The following SLC68A1 variants were observed in gnomAD, a reference collection of about 807,000 sequenced individuals.
SLC68A1 encodes the protein solute carrier family 68 member 1, also known as major facilitator superfamily domain containing 13A.
At chr10:102,470,839 C>T in the SLC68A1 span, 11 of 1,613,486 alleles carry the variant, frequency 6.8e-6, 1 homozygote, top group South Asian at 9.9e-5. Flanking sequence ...CGCTCGTGGA[C>T]CTGCACCACC....
At chr10:102,469,212 G>T in the SLC68A1 span, 1 of 1,613,772 alleles carries the variant, frequency 6.2e-7, no homozygotes, top group Non-Finnish European at 8.5e-7. Flanking sequence ...GGCCAGTGCT[G>T]GGTGGCTAAC....
the SLC68A1 span, chr10:102,470,932 CT>C: frequency 6.2e-7 from 1 of 1,613,394 alleles, no homozygotes. Context: ...GCGCGGCCGG[CT>C]CCCTCTCTGT....
chr10:102,473,518 C>T, the SLC68A1 span: 1 of 1,513,700 alleles, frequency 6.6e-7, no homozygotes, highest in East Asian at 2.3e-5. Flanking sequence ...ATGGCGCTCA[C>T]TGGCACTGCA....
chr10:102,472,178 T>G, the SLC68A1 span: 1 of 360,850 alleles, frequency 2.8e-6, no homozygotes, highest in Non-Finnish European at 5.5e-6. Flanking sequence ...AAAGAAGAGC[T>G]AAGTGCTGTA....
chr10:102,476,894 C>G, the SLC68A1 span: 3 of 985,532 alleles, frequency 3.0e-6, no homozygotes, highest in Non-Finnish European at 3.6e-6. Flanking sequence ...CTCCGTCCAC[C>G]CTTCTAGTGG....
At chr10:102,473,512 C>T in the SLC68A1 span, 245 of 1,512,704 alleles carry the variant, frequency 1.6e-4, no homozygotes, top group Non-Finnish European at 2.1e-4. Context: ...AAGCTGATGG[C>T]GCTCACTGGC....
chr10:102,473,707 GA>G, the SLC68A1 span: 1 of 1,613,978 alleles, frequency 6.2e-7, no homozygotes, highest in African/African-American at 1.3e-5. Flanking sequence ...GGCCGGCCCG[GA>G]CCACCTCAGC....
the SLC68A1 span, chr10:102,470,723 T>G: frequency 6.2e-7 from 1 of 1,613,418 alleles, no homozygotes; most frequent in Admixed American, 1.7e-5. Context: ...GGCCCTGGGC[T>G]GGCATGGGCC....
At chr10:102,472,305 C>T in the SLC68A1 span, 4 of 293,636 alleles carry the variant, frequency 1.4e-5, no homozygotes, top group African/African-American at 2.3e-5. Flanking sequence ...CTTTGTTGCC[C>T]AGGCTGGAGT....
the SLC68A1 span, chr10:102,476,092 T>C: frequency 2.3e-6 from 3 of 1,293,004 alleles, no homozygotes; most frequent in Middle Eastern, 2.9e-4. Flanking sequence ...TTTTTTTTTT[T>C]TGGAGCTGTT....
At chr10:102,476,990 C>T in the SLC68A1 span, 2 of 985,736 alleles carry the variant, frequency 2.0e-6, no homozygotes, top group African/African-American at 1.7e-5. Context: ...CACACGGCCT[C>T]TAAAGATGTT....
the SLC68A1 span, chr10:102,472,895 C>T: frequency 6.2e-7 from 1 of 1,614,214 alleles, no homozygotes; most frequent in Non-Finnish European, 8.5e-7. Flanking sequence ...TCCCTCTCTT[C>T]CTGGAGCATC....
the SLC68A1 span, chr10:102,471,010 G>T: frequency 1.2e-6 from 2 of 1,613,498 alleles, no homozygotes; most frequent in Admixed American, 1.7e-5. Context: ...GCGTGACACT[G>T]GCTGTCAGCT....
At chr10:102,468,985 T>C in the SLC68A1 span, 9 of 1,563,272 alleles carry the variant, frequency 5.8e-6, no homozygotes, top group Non-Finnish European at 7.8e-6. Context: ...CCTGTGGCCA[T>C]GAGCCCTCCC....
At chr10:102,473,085 C>T in the SLC68A1 span, 1 of 750,922 alleles carries the variant, frequency 1.3e-6, no homozygotes, top group Non-Finnish European at 2.3e-6. Context: ...CTCTGCCTCC[C>T]AAAGTACTGG....
the SLC68A1 span, chr10:102,470,665 G>A: frequency 6.2e-7 from 1 of 1,604,900 alleles, no homozygotes; most frequent in South Asian, 1.1e-5. Context: ...TCCCCGGCAG[G>A]TCAGGCGCCG....
the SLC68A1 span, among the ~76,000 whole-genome samples, chr10:102,466,530 G>A: frequency 1.3e-5 from 2 of 150,264 alleles, no homozygotes; most frequent in African/African-American, 2.5e-5. Context: ...TGATTTTATA[G>A]ATGAGGAAAC....
At chr10:102,476,053 TTTTTTTTTTAAGGATTTCATAG>T in the SLC68A1 span, 73 of 1,252,130 alleles carry the variant, frequency 5.8e-5, no homozygotes, top group Non-Finnish European at 6.3e-5. Context: ...TTTTTTTTGG[TTTTTTTTTTAAGGATTTCATAG>T]TTTTTTTTTT....
the SLC68A1 span, chr10:102,475,920 A>C: frequency 6.2e-7 from 1 of 1,613,760 alleles, no homozygotes; most frequent in Admixed American, 1.7e-5. Flanking sequence ...AGACGCCTGC[A>C]CATGGTCAAG....
Sources: gnomAD v4.1 joint callset for allele counts (sites outside exome capture counted in the v4.1 genomes callset) on GRCh38, gnomAD v4.1.1 for gene constraint, MANE v1.5 for transcripts, NCBI Gene and HGNC (gene_info 2026-07-23, HGNC 2026-07-21) for gene names.